The following PI15 variants were observed in gnomAD, a reference collection of about 807,000 sequenced individuals.
PI15 encodes the protein 25 kDa trypsin inhibitor.
A neutral mutation model predicts 31.0 loss-of-function variants in PI15; 18 were observed. That is an observed-to-expected ratio of 0.58 (90% confidence interval 0.40 to 0.86). The LOEUF is 0.86. Among genes scored for constraint, PI15 ranks in the 40% least tolerant of loss-of-function variants. The pLI is 0.00. For synonymous variants in PI15, 118 were observed against 119.1 expected (o/e 0.99, Z 0.06); for missense variants, 282 against 328.1 (o/e 0.86, Z 1.09).
chr8:74,849,126 G>T lies in PI15; in HGVS notation c.650G>T (p.Trp217Leu). ...TTTGTTTTCCCTTCTAGGGGCAATT[G>T]GATTGGAGAAGCACCATATAAAGTA... ...LVCNYAPKGN[W>L]IGEAPYKVGV... Residue 217 changes from tryptophan (W) to leucine (L), a missense_variant, in exon 6 of 6, where the codon TGG becomes TTG. Physicochemically the swap from Trp to Leu is moderately conservative, Grantham distance 61 (BLOSUM62 -2). Transcript: ENST00000260113. The T allele has an allele frequency of 6.2e-7, 1 of 1,611,266 alleles. No homozygotes were observed. The highest frequency in any genetic ancestry group is 8.5e-7 in the Non-Finnish European group (1 of 1,178,944).
Position 74,845,226 on chromosome 8 carries a change from G to C in PI15, c.491G>C (p.Arg164Thr), listed in dbSNP as rs1255308755. 1 of 1,613,610 alleles carries C rather than the reference G, an allele frequency of 6.2e-7. No individual in the cohort carries two copies. Among genetic ancestry groups the C allele is most frequent in the South Asian group, 1.1e-5 (1 of 91,064 alleles). Residue 164 changes from arginine to threonine, a missense_variant, in exon 4 of 6, where the codon AGA (arginine) becomes ACA (threonine). By Grantham distance (71) the Arg-to-Thr change is moderately conservative (BLOSUM62 -1). Transcript: ENST00000260113. ...GATTGCAACCCCAGATGTCCTATGAGATGTTTTGGTCCCATGTGCACACAT... is the reference window on the plus strand; with the variant it reads ...GATTGCAACCCCAGATGTCCTATGACATGTTTTGGTCCCATGTGCACACAT... ...PQDCNPRCPMRCFGPMCTHYT... is the reference protein window; with the variant it reads ...PQDCNPRCPMTCFGPMCTHYT...
Position 74,853,846 on chromosome 8 carries a change from T to C in PI15, c.*4593T>C, listed in dbSNP as rs941863896. ...GCACTTATTAAAGTGCTTTTTTTTTTCTGAATTAATTAGGTATTGGTAAAA... is the reference window on the plus strand; with the variant it reads ...GCACTTATTAAAGTGCTTTTTTTTTCCTGAATTAATTAGGTATTGGTAAAA... On this transcript the variant is annotated 3_prime_UTR_variant, in exon 6 of 6. Transcript: ENST00000260113. 10 of 151,920 alleles carry C rather than the reference T, an allele frequency of 6.6e-5. No homozygotes were observed. Among genetic ancestry groups the C allele is most frequent in the Admixed American group, 2.0e-4 (3 of 15,250 alleles). 9.4% of individuals were successfully genotyped at this position (151,920 alleles called of 1,614,324 possible). A position where few individuals can be genotyped will look rare whatever the true frequency, so the allele number is the denominator to read the frequency against.
chr8:74,836,620 A>C (rs1205822127), intron 2 of PI15, among the ~76,000 whole-genome samples: 1 of 152,130 alleles, frequency 6.6e-6, no homozygotes, highest in Non-Finnish European at 1.5e-5. Flanking sequence ...GAAGTTGTGG[A>C]GATAAGGAGG....
intron 2 of PI15, among the ~76,000 whole-genome samples, chr8:74,830,732 C>T (rs1240338633): frequency 6.6e-6 from 1 of 151,780 alleles, no homozygotes; most frequent in Non-Finnish European, 1.5e-5. Flanking sequence ...AGCCATATAC[C>T]GTCCCACAAG....
chr8:74,843,181 C>T (rs754076753), intron 2 of PI15, among the ~76,000 whole-genome samples: 1 of 152,268 alleles, frequency 6.6e-6, no homozygotes, highest in Admixed American at 6.5e-5. Flanking sequence ...AAAATTATCT[C>T]TAGGAAAACC....
Position 74,853,629 on chromosome 8 carries a change from T to C in PI15, c.*4376T>C, listed in dbSNP as rs1450717515. ...ATGAAGACAAATTCTTAATGGCTACTTGACCTACAGCAAAAGCCATTTCTG... is the reference window on the plus strand; with the variant it reads ...ATGAAGACAAATTCTTAATGGCTACCTGACCTACAGCAAAAGCCATTTCTG... On this transcript the variant is annotated 3_prime_UTR_variant, in exon 6 of 6. Transcript: ENST00000260113. 1 of 152,552 alleles carries C rather than the reference T, an allele frequency of 6.6e-6. No individual in the cohort carries two copies. Among genetic ancestry groups the C allele is most frequent in the Non-Finnish European group, 1.5e-5 (1 of 67,972 alleles). The allele number at this position is 152,552 out of a possible 1,614,324, so 9.4% of individuals were successfully genotyped here.
chr8:74,847,765 T>C (rs1047295441), intron 5 of PI15, among the ~76,000 whole-genome samples: 2 of 152,230 alleles, frequency 1.3e-5, no homozygotes, highest in Non-Finnish European at 2.9e-5. Context: ...CAAGATATTT[T>C]CATATCTTAT....
Position 74,853,952 on chromosome 8 carries a change from G to C in PI15, c.*4699G>C, listed in dbSNP as rs1039250501. The C allele has an allele frequency of 2.6e-5, 4 of 151,774 alleles. No individual in the cohort carries two copies. The highest frequency in any genetic ancestry group is 9.7e-5 in the African/African-American group (4 of 41,344). The allele number at this position is 151,774 out of a possible 1,614,324, so 9.4% of individuals were successfully genotyped here. A position where few individuals can be genotyped will look rare whatever the true frequency, so the allele number is the denominator to read the frequency against. On this transcript the variant is annotated 3_prime_UTR_variant, in exon 6 of 6. Coordinates refer to ENST00000260113, the MANE Select transcript of PI15 (RefSeq NM_015886.5). Reference sequence around the variant, plus strand: ...CAGAGGTATAATTGTCTCACTTTCAGAAGTGATCATTTATTTTTATTTAGC... The same window carrying C: ...CAGAGGTATAATTGTCTCACTTTCACAAGTGATCATTTATTTTTATTTAGC...
At position 74,828,742 on chromosome 8, in the gene PI15, A is replaced by G. The variant is rs965455192; in HGVS notation, c.273+3220A>G. Among the ~76,000 whole-genome samples, 2 of 152,186 alleles carry G rather than the reference A, an allele frequency of 1.3e-5. 1 individual carries two copies. The highest frequency in any genetic ancestry group is 4.8e-5 in the African/African-American group (2 of 41,524). ...TTCTCCTCAGTGAGTGATATCACCC[A>G]AGGGAACTTAACAGAAGATGGTCTT... On this transcript the variant is annotated intron_variant, in intron 2 of 5. Transcript: ENST00000260113.
intron 2 of PI15, among the ~76,000 whole-genome samples, chr8:74,833,754 C>T (rs367687680): frequency 6.6e-6 from 1 of 152,098 alleles, no homozygotes; most frequent in Admixed American, 6.6e-5. Flanking sequence ...GTTTGGAGAG[C>T]GTAAGTAACT....
Position 74,852,834 on chromosome 8 carries a change from CT to C in PI15, c.*3584del, listed in dbSNP as rs1811126624. 6.6e-6 allele frequency: 1 copy of C among 152,046 alleles called. No homozygotes were observed. The highest frequency in any genetic ancestry group is 6.6e-5 in the Admixed American group (1 of 15,262). 9.4% of individuals were successfully genotyped at this position (152,046 alleles called of 1,614,324 possible). ...CTATGAAGGAAAAATAATGCTTAGA[CT>C]TTGGTGTAGGTTCTTCCTGTGTAGC... is the stretch of plus-strand genomic sequence containing the variant. On this transcript the variant is annotated 3_prime_UTR_variant, in exon 6 of 6. Coordinates refer to ENST00000260113, the MANE Select transcript of PI15 (RefSeq NM_015886.5).
chr8:74,854,065 T>C lies in PI15; in HGVS notation c.*4812T>C, dbSNP rs969917943. 7 of 152,050 alleles carry C rather than the reference T, an allele frequency of 4.6e-5. No homozygotes were observed. The highest frequency in any genetic ancestry group is 1.7e-4 in the African/African-American group (7 of 41,448). The allele number at this position is 152,050 out of a possible 1,614,324, so 9.4% of individuals were successfully genotyped here. On this transcript the variant is annotated 3_prime_UTR_variant, in exon 6 of 6. Coordinates refer to ENST00000260113, the MANE Select transcript of PI15 (RefSeq NM_015886.5). ...CACCTTTAATTATTGGCCTATCATT[T>C]GTTAGTGTTATTTGGTCATATTATT...
intron 2 of PI15, among the ~76,000 whole-genome samples, chr8:74,843,078 T>C (rs998479960): frequency 9.2e-5 from 14 of 152,186 alleles, no homozygotes; most frequent in Non-Finnish European, 1.9e-4. Context: ...AATATAAAAT[T>C]AGACATTATT....
At chr8:74,830,619 G>A (rs1196359523) in intron 2 of PI15, among the ~76,000 whole-genome samples, 2 of 152,100 alleles carry the variant, frequency 1.3e-5, no homozygotes, top group East Asian at 1.9e-4. Context: ...GGAAGAGAAT[G>A]TGGAAAAGGT....
intron 2 of PI15, among the ~76,000 whole-genome samples, chr8:74,834,824 T>C (rs1489905054): frequency 6.6e-6 from 1 of 152,158 alleles, no homozygotes; most frequent in Non-Finnish European, 1.5e-5. Context: ...CTCCAATTGC[T>C]CTACTTCTGT....
In PI15 at chr8:74,825,201, G is replaced by C; in HGVS notation, c.-40-9G>C. On this transcript the variant is annotated splice_polypyrimidine_tract_variant and intron_variant, in intron 1 of 5. Coordinates refer to ENST00000260113, the MANE Select transcript of PI15 (RefSeq NM_015886.5). ...TCATAGACCCTAACTCTACCTTTCT[G>C]CTTTAAAGCAAAGTAAACTCGGTGG... The C allele has an allele frequency of 1.9e-6, 3 of 1,583,452 alleles. No individual in the cohort carries two copies. Among genetic ancestry groups the C allele is most frequent in the Non-Finnish European group, 2.6e-6 (3 of 1,156,160 alleles).
rs935717108 is a variant in PI15, at chr8:74,850,091, A to C, written c.*838A>C. 2 of 152,222 alleles carry C rather than the reference A, an allele frequency of 1.3e-5. No individual in the cohort carries two copies. The highest frequency in any genetic ancestry group is 3.8e-4 in the East Asian group (2 of 5,202). The allele number at this position is 152,222 out of a possible 1,614,324, so 9.4% of individuals were successfully genotyped here. A position where few individuals can be genotyped will look rare whatever the true frequency, so the allele number is the denominator to read the frequency against. ...AATAATGCAGACTAGTGATTTTGCT[A>C]TAAAATTATTTTTGAAGGAAGCAGA... On this transcript the variant is annotated 3_prime_UTR_variant, in exon 6 of 6. Coordinates refer to ENST00000260113, the MANE Select transcript of PI15 (RefSeq NM_015886.5).
chr8:74,833,179 C>T (rs1810812667), intron 2 of PI15, among the ~76,000 whole-genome samples: 1 of 152,034 alleles, frequency 6.6e-6, no homozygotes. Context: ...CAATTAAACA[C>T]ATGTAGAAAT....
intron 2 of PI15, among the ~76,000 whole-genome samples, chr8:74,841,056 A>C (rs768267401): frequency 6.6e-6 from 1 of 152,134 alleles, no homozygotes; most frequent in Non-Finnish European, 1.5e-5. Flanking sequence ...AATGAGTATA[A>C]AGGTAGGATT....
Sources: gnomAD v4.1 joint callset for allele counts (sites outside exome capture counted in the v4.1 genomes callset) on GRCh38, gnomAD v4.1.1 for gene constraint, MANE v1.5 for transcripts, NCBI Gene and HGNC (gene_info 2026-07-23, HGNC 2026-07-21) for gene names.